The following TRPM6 variants were observed in gnomAD, a reference collection of about 807,000 sequenced individuals.
TRPM6 encodes channel kinase 2.
A neutral mutation model predicts 247.6 loss-of-function variants in TRPM6; 111 were observed. That is an observed-to-expected ratio of 0.45 (90% confidence interval 0.38 to 0.52). TRPM6 has a LOEUF of 0.52. Among genes scored for constraint, TRPM6 ranks in the 20% least tolerant of loss-of-function variants. TRPM6 has a pLI of 0.00. For missense variants in TRPM6, 2,126 were observed against 2,421.5 expected (o/e 0.88, Z 2.56); for synonymous variants, 892 against 853.8 (o/e 1.04, Z -0.78).
chr9:74,744,085 T>C lies in TRPM6; in HGVS notation c.5134+10A>G, dbSNP rs774611066. On this transcript the variant is annotated intron_variant, in intron 32 of 38. Transcript: ENST00000360774. Reference sequence around the variant, plus strand: ...CTCAGCTGACATGTCTATGTGCATATGCATCCTACCTGAATAATGATGGTG... The same window carrying C: ...CTCAGCTGACATGTCTATGTGCATACGCATCCTACCTGAATAATGATGGTG... 6.2e-7 allele frequency: 1 copy of C among 1,613,746 alleles called. No homozygotes were observed. Among genetic ancestry groups the C allele is most frequent in the South Asian group, 1.1e-5 (1 of 91,082 alleles).
chr9:74,861,181 T>A (rs1447647053), intron 1 of TRPM6, among the ~76,000 whole-genome samples: 1 of 152,210 alleles, frequency 6.6e-6, no homozygotes, highest in Non-Finnish European at 1.5e-5. Context: ...TTACAAAAAG[T>A]CAGTATGTCC....
intron 30 of TRPM6, among the ~76,000 whole-genome samples, chr9:74,748,860 T>C (rs484396): frequency 0.35 from 53,779 of 152,044 alleles, 11,429 homozygotes; most frequent in African/African-American, 0.6. Flanking sequence ...AGTCTCCGCT[T>C]GTGTAGAGTA....
intron 24 of TRPM6, 76 bp from the exon 25 acceptor site, chr9:74,771,911 T>C (rs1827059224): frequency 2.9e-6 from 4 of 1,381,642 alleles, no homozygotes; most frequent in Non-Finnish European, 4.1e-6. Context: ...TCCACTTGTA[T>C]TGAAAATGAG....
intron 14 of TRPM6, among the ~76,000 whole-genome samples, chr9:74,806,423 G>A (rs1457422068): frequency 6.6e-6 from 1 of 152,098 alleles, no homozygotes; most frequent in African/African-American, 2.4e-5. Flanking sequence ...ACCATGCCCA[G>A]CCCAAACTAC....
chr9:74,763,181 G>A (rs1297973890), intron 25 of TRPM6, 47 bp from the exon 26 acceptor site: 2 of 1,577,786 alleles, frequency 1.3e-6, no homozygotes, highest in South Asian at 2.2e-5. Context: ...TTAAGCCAGT[G>A]GGAATTTGCT....
intron 1 of TRPM6, among the ~76,000 whole-genome samples, chr9:74,862,155 A>G (rs898982614): frequency 6.6e-6 from 1 of 150,878 alleles, no homozygotes; most frequent in African/African-American, 2.4e-5. Context: ...ATAATTCTCA[A>G]TTTAGAACTT....
At chr9:74,864,605 T>C (rs553976795) in intron 1 of TRPM6, among the ~76,000 whole-genome samples, 2 of 152,352 alleles carry the variant, frequency 1.3e-5, no homozygotes, top group South Asian at 4.1e-4. Context: ...CATCTCACTT[T>C]GGTGGTAAAA....
intron 17 of TRPM6, among the ~76,000 whole-genome samples, chr9:74,798,793 C>T (rs1470288280): frequency 6.6e-6 from 1 of 152,172 alleles, no homozygotes; most frequent in African/African-American, 2.4e-5. Context: ...AAGTAGCTAA[C>T]TCAGCCTTTT....
At chr9:74,771,005 G>A (rs1411911973) in intron 25 of TRPM6, among the ~76,000 whole-genome samples, 1 of 152,176 alleles carries the variant, frequency 6.6e-6, no homozygotes. Flanking sequence ...AACAACCGCC[G>A]GTCAGACGCC....
intron 31 of TRPM6, 99 bp from the exon 32 acceptor site, chr9:74,744,244 T>A (rs1046728313): frequency 7.7e-7 from 1 of 1,290,826 alleles, no homozygotes; most frequent in African/African-American, 1.5e-5. Flanking sequence ...AACAGGTTAA[T>A]CAGAATGGCT....
At chr9:74,742,220 A>G (rs1372441359) in intron 33 of TRPM6, among the ~76,000 whole-genome samples, 1 of 152,212 alleles carries the variant, frequency 6.6e-6, no homozygotes, top group East Asian at 1.9e-4. Context: ...CCATATTGAC[A>G]TTTATCGCTT....
At chr9:74,806,131 C>T (rs888807181) in intron 14 of TRPM6, among the ~76,000 whole-genome samples, 2 of 151,798 alleles carry the variant, frequency 1.3e-5, no homozygotes, top group Non-Finnish European at 2.9e-5. Flanking sequence ...AATCTGGGGG[C>T]AGGAGGTTGG....
chr9:74,844,086 T>C (rs1472498460), intron 3 of TRPM6, among the ~76,000 whole-genome samples: 14 of 152,216 alleles, frequency 9.2e-5, no homozygotes, highest in Admixed American at 8.5e-4. Context: ...TCAGGCTTTG[T>C]TGTTCTATTT....
chr9:74,786,158 A>G (rs749952016), intron 20 of TRPM6, 33 bp from the exon 21 acceptor site: 1 of 1,612,762 alleles, frequency 6.2e-7, no homozygotes, highest in African/African-American at 1.3e-5. Flanking sequence ...TTTAAAAAGG[A>G]GGTACAACCA....
At chr9:74,820,703 C>T (rs969528163) in intron 8 of TRPM6, among the ~76,000 whole-genome samples, 3 of 152,088 alleles carry the variant, frequency 2.0e-5, no homozygotes, top group Non-Finnish European at 2.9e-5. Context: ...GAGTTCGAGG[C>T]CAGCCTGGGC....
chr9:74,808,739 CATAT>C (rs1263019972), intron 13 of TRPM6, among the ~76,000 whole-genome samples: 1 of 152,196 alleles, frequency 6.6e-6, no homozygotes, highest in African/African-American at 2.4e-5. Flanking sequence ...TTGACTACAT[CATAT>C]GTAAAACAAG....
rs1825402068 is a variant in TRPM6, at chr9:74,728,312, C to A, written c.5862G>T (p.Leu1954Phe). Reference sequence around the variant, plus strand: ...TGAAGTTTCTAATTGCATCTTCCCCCAAATTGGCCGGTCCAAACACCATTC... The same window carrying A: ...TGAAGTTTCTAATTGCATCTTCCCCAAAATTGGCCGGTCCAAACACCATTC... ...SRGMVFGPAN[L>F]GEDAIRNFIA... is the part of the protein sequence containing the mutation. Residue 1954 changes from leucine to phenylalanine, a missense_variant, in exon 38 of 39, where the codon TTG becomes TTT. Around this residue, in one of 3 missense-constraint regions of TRPM6, gnomAD observed 327 missense variants for 397.7 expected, o/e 0.82. Transcript: ENST00000360774. 1 of 1,613,886 alleles carries A rather than the reference C, an allele frequency of 6.2e-7. No individual in the cohort carries two copies. Among genetic ancestry groups the A allele is most frequent in the Non-Finnish European group, 8.5e-7 (1 of 1,179,940 alleles).
At chr9:74,767,346 A>C (rs1270433702) in intron 25 of TRPM6, among the ~76,000 whole-genome samples, 1 of 152,248 alleles carries the variant, frequency 6.6e-6, no homozygotes, top group Non-Finnish European at 1.5e-5. Flanking sequence ...CACTACTAGA[A>C]TCAAAAAAGA....
At chr9:74,842,921 CAAT>C (rs1829989904) in intron 3 of TRPM6, among the ~76,000 whole-genome samples, 1 of 152,136 alleles carries the variant, frequency 6.6e-6, no homozygotes, top group African/African-American at 2.4e-5. Flanking sequence ...TAAAATAAGA[CAAT>C]GATGAAGTTG....
Sources: gnomAD v4.1 joint callset for allele counts (sites outside exome capture counted in the v4.1 genomes callset) on GRCh38, gnomAD v4.1.1 for gene constraint, gnomAD v4.1.1 regional missense constraint, MANE v1.5 for transcripts, NCBI Gene and HGNC (gene_info 2026-07-23, HGNC 2026-07-21) for gene names.